Variants in CTNNA3 observed in about 807,000 individuals in gnomAD.
The protein encoded by CTNNA3 is catenin alpha-3.
CTNNA3 carries 76 observed loss-of-function variants against 95.7 expected under a neutral mutation model. That is an observed-to-expected ratio of 0.79 (90% CI 0.66 to 0.96). The LOEUF (loss-of-function observed/expected upper bound fraction) is 0.96, where lower values mean the gene tolerates loss of function less well. Ranked by LOEUF, CTNNA3 falls within the 40% of genes least tolerant of loss-of-function variation. The pLI, the probability that CTNNA3 is intolerant of heterozygous loss-of-function variation, is 0.00. For missense variants in CTNNA3, 1,191 were observed against 1,089.8 expected (o/e 1.09, Z -1.31); for synonymous variants, 431 against 374.4 (o/e 1.15, Z -1.74).
intron 3 of CTNNA3, 100 bp from the exon 4 acceptor site, chr10:67,539,769 G>T: frequency 3.1e-6 from 3 of 981,002 alleles, no homozygotes; most frequent in South Asian, 1.9e-5. Flanking sequence ...CCAAGACTAA[G>T]CATAATATAA....
chr10:67,575,281 T>G (rs1361040315), intron 3 of CTNNA3, among the ~76,000 whole-genome samples: 1 of 152,154 alleles, frequency 6.6e-6, no homozygotes, highest in Non-Finnish European at 1.5e-5. Context: ...TGAAGTCTTC[T>G]TCTTTTTTTC....
At chr10:67,335,795 CCTATCGACA>C (rs1420381282) in intron 5 of CTNNA3, among the ~76,000 whole-genome samples, 15 of 152,088 alleles carry the variant, frequency 9.9e-5, no homozygotes, top group Admixed American at 9.8e-4. Flanking sequence ...TCTCCAAGAA[CCTATCGACA>C]ACGTTGAGAA....
intron 1 of CTNNA3, chr10:67,750,277 A>C (rs978888935): frequency 1.3e-6 from 2 of 1,517,846 alleles, no homozygotes; most frequent in African/African-American, 2.8e-5. Flanking sequence ...TCATTTCTGC[A>C]CCAACCATGG....
intron 7 of CTNNA3, among the ~76,000 whole-genome samples, chr10:67,179,427 T>C (rs1862399633): frequency 6.8e-6 from 1 of 146,340 alleles, no homozygotes; most frequent in Non-Finnish European, 1.5e-5. Context: ...TGAAACAAAA[T>C]GGACTTTGAA....
chr10:66,211,644 C>T (rs1483169574), intron 13 of CTNNA3, among the ~76,000 whole-genome samples: 1 of 152,188 alleles, frequency 6.6e-6, no homozygotes, highest in Admixed American at 6.5e-5. Context: ...CAGAAGCCAA[C>T]CCTAATATCT....
chr10:66,509,967 G>C (rs1391802265), intron 11 of CTNNA3, among the ~76,000 whole-genome samples: 1 of 151,922 alleles, frequency 6.6e-6, no homozygotes, highest in African/African-American at 2.4e-5. Context: ...GGATTGCACT[G>C]AATCTGTAGA....
intron 16 of CTNNA3, among the ~76,000 whole-genome samples, chr10:65,980,170 A>ACTACC (rs2078289126): frequency 6.6e-6 from 1 of 152,064 alleles, no homozygotes; most frequent in Non-Finnish European, 1.5e-5. Context: ...AGAAATACAA[A>ACTACC]AGATTATTCA....
intron 7 of CTNNA3, among the ~76,000 whole-genome samples, chr10:67,025,077 C>T (rs1404845189): frequency 6.8e-6 from 1 of 146,976 alleles, no homozygotes; most frequent in Non-Finnish European, 1.5e-5. Flanking sequence ...TGCGGTGAGC[C>T]GAGATCATGC....
At chr10:66,312,079 A>G (rs2092029022) in intron 12 of CTNNA3, among the ~76,000 whole-genome samples, 1 of 152,244 alleles carries the variant, frequency 6.6e-6, no homozygotes, top group Non-Finnish European at 1.5e-5. Context: ...AATTAGCCAC[A>G]TATAGGCTAT....
At chr10:66,082,185 A>G (rs2080792892) in intron 14 of CTNNA3, among the ~76,000 whole-genome samples, 1 of 152,024 alleles carries the variant, frequency 6.6e-6, no homozygotes, top group South Asian at 2.1e-4. Context: ...AAAGAAAAAA[A>G]AAAAACTTAG....
chr10:66,613,722 GT>G (rs1242971561), intron 10 of CTNNA3, among the ~76,000 whole-genome samples: 2 of 143,522 alleles, frequency 1.4e-5, no homozygotes, highest in African/African-American at 6.0e-5. Context: ...TGACGCGACT[GT>G]TTGTTTCCAA....
intron 15 of CTNNA3, among the ~76,000 whole-genome samples, chr10:66,028,582 C>G (rs1245867375): frequency 1.3e-5 from 2 of 149,892 alleles, no homozygotes; most frequent in Non-Finnish European, 3.0e-5. Flanking sequence ...ACATCACACA[C>G]CAGGGCCTGT....
At chr10:67,239,596 T>A (rs1477014999) in intron 5 of CTNNA3, among the ~76,000 whole-genome samples, 1 of 152,182 alleles carries the variant, frequency 6.6e-6, no homozygotes, top group African/African-American at 2.4e-5. Flanking sequence ...GAAAAATTCA[T>A]TGAACTGTTT....
At chr10:66,188,934 G>A (rs12780657) in intron 13 of CTNNA3, among the ~76,000 whole-genome samples, 13,058 of 151,920 alleles carry the variant, frequency 0.086, 626 homozygotes, top group Admixed American at 0.12. Flanking sequence ...CAAGTGTGAG[G>A]TAATATCTCG....
At position 66,861,173 on chromosome 10, in the gene CTNNA3, C is replaced by T. The variant is rs566872899; in HGVS notation, c.1048-85649G>A. ...TATGATGAATAAAGGCAGTCACTGC[C>T]CTAAAAGAACTTGCATTAAAAACAA... On this transcript the variant is annotated intron_variant, in intron 7 of 17. Transcript: ENST00000433211. Among the ~76,000 whole-genome samples the T allele has an allele frequency of 2.6e-5, 4 of 152,106 alleles. No homozygotes were observed. In the East Asian group the frequency reaches 7.7e-4, roughly 29 times the overall value.
At chr10:66,786,142 C>T (rs994721901) in intron 7 of CTNNA3, among the ~76,000 whole-genome samples, 1 of 152,156 alleles carries the variant, frequency 6.6e-6, no homozygotes, top group Non-Finnish European at 1.5e-5. Context: ...GTGGGCAGAG[C>T]TCCCTGTAGT....
At chr10:66,372,853 T>A (rs1249827048) in intron 12 of CTNNA3, among the ~76,000 whole-genome samples, 3 of 152,112 alleles carry the variant, frequency 2.0e-5, no homozygotes, top group Admixed American at 2.0e-4. Context: ...ACCACCCCCA[T>A]GATTCAATTA....
At chr10:66,281,044 A>G (rs1430146725) in intron 12 of CTNNA3, among the ~76,000 whole-genome samples, 1 of 151,988 alleles carries the variant, frequency 6.6e-6, no homozygotes, top group African/African-American at 2.4e-5. Context: ...ATTTAAAGAA[A>G]GAAAGCAATT....
intron 12 of CTNNA3, among the ~76,000 whole-genome samples, 162 bp from the exon 13 acceptor site, chr10:66,280,783 T>C (rs2091479021): frequency 1.3e-5 from 2 of 152,104 alleles, no homozygotes; most frequent in East Asian, 1.9e-4. Context: ...AGCAGGATTA[T>C]CTTGAATCTC....
Sources: allele counts gnomAD v4.1 joint callset (sites outside exome capture counted in the v4.1 genomes callset), GRCh38; gene constraint gnomAD v4.1.1; transcripts MANE v1.5; gene names NCBI Gene and HGNC (gene_info 2026-07-23, HGNC 2026-07-21).